The following ATP2A3 variants were observed in gnomAD, a reference collection of about 807,000 sequenced individuals.
ATP2A3 encodes ATPase sarcoplasmic/endoplasmic reticulum Ca2+ transporting 3.
Under a neutral mutation model 106.8 loss-of-function variants are expected in ATP2A3, and 61 were observed. That is an observed-to-expected ratio of 0.57 (90% CI 0.46 to 0.71). The LOEUF (loss-of-function observed/expected upper bound fraction) is 0.71, where lower values mean the gene tolerates loss of function less well. ATP2A3 is among the 30% of genes least tolerant of loss of function. The pLI, the probability that ATP2A3 is intolerant of heterozygous loss-of-function variation, is 0.00. For synonymous variants in ATP2A3, 611 were observed against 609.3 expected, an observed-to-expected ratio of 1.00 and a Z score of -0.04; for missense variants, 1,201 against 1,423.5, an observed-to-expected ratio of 0.84 and a Z score of 2.52.
chr17:3,964,152 C>G (rs1387381148), intron 1 of ATP2A3, 22 bp downstream of exon 1: 2 of 1,128,722 alleles, frequency 1.8e-6, no homozygotes, highest in Non-Finnish European at 2.2e-6. Flanking sequence ...GCTCCCCGGC[C>G]CGGCCCGGCC....
At chr17:3,935,702 T>C (rs950737744) in intron 16 of ATP2A3, among the ~76,000 whole-genome samples, 4 of 152,230 alleles carry the variant, frequency 2.6e-5, no homozygotes, top group South Asian at 4.1e-4. Flanking sequence ...CATGCCCAGC[T>C]AATTTTTGTA....
rs748892671 is a variant in ATP2A3 at position 3,951,378 on chromosome 17, G to A, written c.336C>T (p.Ala112=). The change falls in exon 5 of 21, where the codon GCC becomes GCT. Residue 112 remains alanine, a synonymous_variant. Transcript: ENST00000397041. ...CCTTCAGGGCCTCGATGGCACTCTC[G>A]GCGTTGCGTTCCTGCAGAATAGAAG... The part of the protein sequence containing the change: ...AIVGVWQERN[A]ESAIEALKEY... 31 of 1,613,584 alleles carry A rather than the reference G, an allele frequency of 1.9e-5. No homozygotes were observed. The highest frequency in any genetic ancestry group is 1.6e-4 in the Middle Eastern group (1 of 6,084).
At position 3,951,646 on chromosome 17, in the gene ATP2A3, C is replaced by T. The variant is rs747438391; in HGVS notation, c.259G>A (p.Ala87Thr). ...ATGATGACCAGGGGCTCCACGAAGG[C>T]GGTCGTGGTCTCCTCGCCCTCCTCG... ...WFEEGEETTTAFVEPLVIMLI... is the reference protein window; with the variant it reads ...WFEEGEETTTTFVEPLVIMLI... The change falls in exon 4 of 21, where the codon GCC becomes ACC. Residue 87 changes from alanine to threonine, a missense_variant. Transcript: ENST00000397041. 2.2e-5 allele frequency: 35 copies of T among 1,610,134 alleles called. No individual in the cohort carries two copies. Among genetic ancestry groups the T allele is most frequent in the East Asian group, 1.3e-4 (6 of 44,784 alleles).
At chr17:3,956,172 G>A (rs947252798) in intron 1 of ATP2A3, among the ~76,000 whole-genome samples, 1 of 152,094 alleles carries the variant, frequency 6.6e-6, no homozygotes, top group South Asian at 2.1e-4. Context: ...GTGAGCCACC[G>A]CGCCCGGCTC....
At chr17:3,946,118 C>T (rs947569032) in intron 8 of ATP2A3, among the ~76,000 whole-genome samples, 3 of 151,472 alleles carry the variant, frequency 2.0e-5, no homozygotes, top group East Asian at 1.9e-4. Flanking sequence ...TGTGGTGGCA[C>T]GCGCCTGTAG....
At chr17:3,951,546 G>GGC in intron 4 of ATP2A3, 35 bp downstream of exon 4, 8 of 1,319,564 alleles carry the variant, frequency 6.1e-6, no homozygotes, top group African/African-American at 1.6e-5. Context: ...CTGGGAGACC[G>GGC]CCCCCCGCCC....
rs2054567938 is a variant in ATP2A3, at chr17:3,953,381, A to G, written c.185T>C (p.Val62Ala). 6.2e-7 allele frequency: 1 copy of G among 1,613,918 alleles called. No homozygotes were observed. Among genetic ancestry groups the G allele is most frequent in the South Asian group, 1.1e-5 (1 of 91,094 alleles). ...LVLEQFEDLL[V>A]RILLLAALVS... ...AAGGGCAGCCAGCAGCAGGATGCGC[A>G]CCAGGAGGTCCTCAAACTGTTCCAG... Residue 62 changes from valine to alanine, a missense_variant, in exon 3 of 21, where the codon GTG becomes GCG. Around this residue, in one of 2 missense-constraint regions of ATP2A3, gnomAD observed 266 missense variants for 246.8 expected, o/e 1.08. Transcript: ENST00000397041. This position sits in a 1 kb window ranked among gnomAD's most constrained non-coding sequence, Gnocchi z 5.1.
Position 3,947,017 on chromosome 17 carries a change from G to A in ATP2A3, c.1095+374C>T, listed in dbSNP as rs1362676451. Among the ~76,000 whole-genome samples, 1 of 152,254 alleles carries A rather than the reference G, an allele frequency of 6.6e-6. No individual in the cohort carries two copies. The highest frequency in any genetic ancestry group is 1.5e-5 in the Non-Finnish European group (1 of 68,044). On this transcript the variant is annotated intron_variant, in intron 8 of 20. Transcript: ENST00000397041. This position sits in a 1 kb window ranked among gnomAD's most constrained non-coding sequence, Gnocchi z 7.7. ...GACTGCACAGAGTCATGATGGGGCA[G>A]GATGGAACCCGGATCCAGGCCCAGC...
chr17:3,929,497 C>G lies in ATP2A3; in HGVS notation c.2745-52G>C, dbSNP rs777782010. 1.9e-5 allele frequency: 28 copies of G among 1,453,270 alleles called. No homozygotes were observed. The South Asian group carries it at 3.4e-4, about 18-fold the overall frequency. The allele number at this position is 1,453,270 out of a possible 1,614,324, so 90.0% of individuals were successfully genotyped here. Reference sequence around the variant, plus strand: ...AGGCCGGGGTGCAGGGAGGCCCTGCCAGGCACCCACCCCCATGGGAGGAGC... The same window carrying G: ...AGGCCGGGGTGCAGGGAGGCCCTGCGAGGCACCCACCCCCATGGGAGGAGC... On this transcript the variant is annotated intron_variant, in intron 18 of 20. Coordinates refer to ENST00000397041, the MANE Select transcript of ATP2A3 (RefSeq NM_005173.4). This position sits in a 1 kb window ranked among gnomAD's most constrained non-coding sequence, Gnocchi z 4.3.
chr17:3,941,071 C>T lies in ATP2A3; in HGVS notation c.2000G>A (p.Arg667His), dbSNP rs749927673. 9 of 1,613,366 alleles carry T rather than the reference C, an allele frequency of 5.6e-6. No homozygotes were observed. Among genetic ancestry groups the T allele is most frequent in the South Asian group, 2.2e-5 (2 of 91,058 alleles). The change falls in exon 14 of 21, where the codon CGC (arginine) becomes CAC (histidine). Residue 667 changes from arginine (R) to histidine (H), a missense_variant. Coordinates refer to ENST00000397041, the MANE Select transcript of ATP2A3 (RefSeq NM_005173.4). Reference sequence around the variant, plus strand: ...GCAGCGGGCGGTGCGGCAGGCCTGGCGCTGCTGCTCGGGGCTGAGGTCATC... The same window carrying T: ...GCAGCGGGCGGTGCGGCAGGCCTGGTGCTGCTGCTCGGGGCTGAGGTCATC... ...EFDDLSPEQQ[R>H]QACRTARCFA...
intron 1 of ATP2A3, among the ~76,000 whole-genome samples, chr17:3,963,780 C>T (rs1430220200): frequency 6.6e-6 from 1 of 152,218 alleles, no homozygotes; most frequent in Non-Finnish European, 1.5e-5. Flanking sequence ...CCTGAGTCTC[C>T]GGCCGTCCCT....
chr17:3,926,974 C>T lies in ATP2A3; in HGVS notation c.2981-1533G>A. 1 of 985,480 alleles carries T rather than the reference C, an allele frequency of 1.0e-6. No homozygotes were observed. Among genetic ancestry groups the T allele is most frequent in the Non-Finnish European group, 1.2e-6 (1 of 829,936 alleles). The allele number at this position is 985,480 out of a possible 1,614,324, so 61.0% of individuals were successfully genotyped here. ...CTGCCCTGAGGACAATGTCCAGGGTCTCTACCTTGGCACTCAAGGCCCTTG... is the reference window on the plus strand; with the variant it reads ...CTGCCCTGAGGACAATGTCCAGGGTTTCTACCTTGGCACTCAAGGCCCTTG... On this transcript the variant is annotated intron_variant, in intron 20 of 20. Coordinates refer to ENST00000397041, the MANE Select transcript of ATP2A3 (RefSeq NM_005173.4). The surrounding 1 kb of genome is among the most constrained non-coding windows in gnomAD (Gnocchi z 4.6).
chr17:3,944,706 C>T lies in ATP2A3; in HGVS notation c.1285G>A (p.Glu429Lys). 1.2e-6 allele frequency: 2 copies of T among 1,612,896 alleles called. No homozygotes were observed. Among genetic ancestry groups the T allele is most frequent in the Non-Finnish European group, 1.7e-6 (2 of 1,179,460 alleles). Residue 429 changes from glutamate to lysine, a missense_variant and splice_region_variant, in exon 10 of 21, where the codon GAG becomes AAG. Glu to Lys is a moderately conservative substitution (Grantham distance 56). Around this residue, in one of 2 missense-constraint regions of ATP2A3, gnomAD observed 935 missense variants for 1,176.7 expected, o/e 0.79. Coordinates refer to ENST00000397041, the MANE Select transcript of ATP2A3 (RefSeq NM_005173.4). ...TCATGAAAGGGGGTGAGGCCCACCT[C>T]GTTGTAGTCCAGAGCCGAGTCGTTG... is the stretch of plus-strand genomic sequence containing the variant. Reference protein sequence around the residue: ...LCNDSALDYNEAKGVYEKVGE... With the variant: ...LCNDSALDYNKAKGVYEKVGE...
chr17:3,930,677 A>T lies in ATP2A3; in HGVS notation c.2611-243T>A. On this transcript the variant is annotated intron_variant, in intron 17 of 20. Coordinates refer to ENST00000397041, the MANE Select transcript of ATP2A3 (RefSeq NM_005173.4). The surrounding 1 kb of genome is among the most constrained non-coding windows in gnomAD (Gnocchi z 5.4). ...GGAAAGGCAGACGTTCTGGAGCAGGAGTGCAGCGGCTCAGAAGGAGAACAG... is the reference window on the plus strand; with the variant it reads ...GGAAAGGCAGACGTTCTGGAGCAGGTGTGCAGCGGCTCAGAAGGAGAACAG... 1.7e-6 allele frequency: 1 copy of T among 589,130 alleles called. No individual in the cohort carries two copies. The highest frequency in any genetic ancestry group is 3.1e-6 in the Non-Finnish European group (1 of 327,702). 36.5% of individuals were successfully genotyped at this position (589,130 alleles called of 1,614,324 possible).
rs543005354 is a variant in ATP2A3, at chr17:3,924,535, C to A, written c.*887G>T. The A allele has an allele frequency of 2.9e-6, 1 of 344,474 alleles. No homozygotes were observed. Among genetic ancestry groups the A allele is most frequent in the African/African-American group, 2.2e-5 (1 of 46,148 alleles). 21.3% of individuals were successfully genotyped at this position (344,474 alleles called of 1,614,324 possible). A position where few individuals can be genotyped will look rare whatever the true frequency, so the allele number is the denominator to read the frequency against. ...CCGCACACTGGGCTGGGTAGAAGGG[C>A]GCCACGGTCAGGAACCTGAGGATGT... On this transcript the variant is annotated 3_prime_UTR_variant, in exon 21 of 21. Coordinates refer to ENST00000397041, the MANE Select transcript of ATP2A3 (RefSeq NM_005173.4). The surrounding 1 kb of genome is among the most constrained non-coding windows in gnomAD (Gnocchi z 6.4).
chr17:3,934,662 T>C (rs928763555), intron 17 of ATP2A3, among the ~76,000 whole-genome samples: 2 of 152,028 alleles, frequency 1.3e-5, no homozygotes, highest in African/African-American at 2.4e-5. Flanking sequence ...TAGCTGGGAT[T>C]ACAGGCGTGC....
Position 3,925,554 on chromosome 17 carries a change from C to T in ATP2A3, c.2981-113G>A. On this transcript the variant is annotated intron_variant, in intron 20 of 20. Coordinates refer to ENST00000397041, the MANE Select transcript of ATP2A3 (RefSeq NM_005173.4). The surrounding 1 kb of genome is among the most constrained non-coding windows in gnomAD (Gnocchi z 4.2). ...TTCTCCCAGGACAGCCCCAGGCTCCCAAGGCCTCCCTTAGTCCAGACCTCA... is the reference window on the plus strand; with the variant it reads ...TTCTCCCAGGACAGCCCCAGGCTCCTAAGGCCTCCCTTAGTCCAGACCTCA... 1 of 1,339,070 alleles carries T rather than the reference C, an allele frequency of 7.5e-7. No homozygotes were observed. Among genetic ancestry groups the T allele is most frequent in the East Asian group, 2.5e-5 (1 of 40,168 alleles). The allele number at this position is 1,339,070 out of a possible 1,614,324, so 82.9% of individuals were successfully genotyped here. A position where few individuals can be genotyped will look rare whatever the true frequency, so the allele number is the denominator to read the frequency against.
In ATP2A3 at chr17:3,926,545, C is replaced by T. The variant is rs1597554410; in HGVS notation, c.2981-1104G>A. On this transcript the variant is annotated intron_variant, in intron 20 of 20. Transcript: ENST00000397041. This position sits in a 1 kb window ranked among gnomAD's most constrained non-coding sequence, Gnocchi z 4.6. ...GATCTGTTCAATGCCGCTCGCCCAC[C>T]TCCTGGTGTTAGTCTCACCCTCTCT... 1.3e-5 allele frequency among the ~76,000 whole-genome samples: 2 copies of T among 152,282 alleles called. No individual in the cohort carries two copies. The highest frequency in any genetic ancestry group is 3.9e-4 in the East Asian group (2 of 5,176).
At chr17:3,943,302 C>G in intron 11 of ATP2A3, 89 bp downstream of exon 11, 7 of 1,475,466 alleles carry the variant, frequency 4.7e-6, no homozygotes, top group Non-Finnish European at 6.4e-6. Context: ...CGAAACAAAA[C>G]AAAAACTTCA....
Sources: gnomAD v4.1 joint callset for allele counts (sites outside exome capture counted in the v4.1 genomes callset) on GRCh38, gnomAD v4.1.1 for gene constraint, gnomAD v4.1.1 regional missense constraint, Gnocchi (gnomAD v3.1) non-coding constraint, MANE v1.5 for transcripts, NCBI Gene and HGNC (gene_info 2026-07-23, HGNC 2026-07-21) for gene names.